LINGO3: variants seen among roughly 807,000 people sequenced by gnomAD.
LINGO3 encodes leucine rich repeat and Ig domain containing 3, also known as leucine-rich repeat and immunoglobulin-like domain-containing nogo receptor-interacting protein 3.
For missense variants in LINGO3, 750 were observed against 867.7 expected (o/e 0.86, Z 1.70); for synonymous variants, 427 against 444.2 (o/e 0.96, Z 0.49).
chr19:2,288,342 C>T (rs904312936), downstream of LINGO3, among the ~76,000 whole-genome samples: 5 of 152,214 alleles, frequency 3.3e-5, no homozygotes, highest in African/African-American at 9.6e-5. The surrounding 1 kb of genome is among the most constrained non-coding windows in gnomAD (Gnocchi z 6.5). Flanking sequence ...CGCACGTAGC[C>T]GGGATCCCCG....
chr19:2,302,358 G>A, the LINGO3 span, among the ~76,000 whole-genome samples: 2 of 152,154 alleles, frequency 1.3e-5, no homozygotes, highest in African/African-American at 2.4e-5. Flanking sequence ...CACAATGCCC[G>A]GCCCCCTGTC....
chr19:2,294,055 A>G (rs868067096), upstream of LINGO3, among the ~76,000 whole-genome samples: 68 of 149,162 alleles, frequency 4.6e-4, no homozygotes, highest in Middle Eastern at 0.014. This position sits in a 1 kb window ranked among gnomAD's most constrained non-coding sequence, Gnocchi z 4.3. Context: ...GTCTCAAGGG[A>G]AAAAAAAAGG....
chr19:2,291,009 G>A, exon 1 of LINGO3: 1 of 1,611,452 alleles, frequency 6.2e-7, no homozygotes, highest in Non-Finnish European at 8.5e-7. Flanking sequence ...CGGTGATGTT[G>A]GTGTGGGTGA....
chr19:2,289,988 T>C (rs2025502028), exon 1 of LINGO3: 11 of 1,510,996 alleles, frequency 7.3e-6, no homozygotes, highest in Non-Finnish European at 9.8e-6. Context: ...GGGTCCGCCC[T>C]GGGGACCCCT....
At chr19:2,300,294 G>A in the LINGO3 span, among the ~76,000 whole-genome samples, 2 of 151,972 alleles carry the variant, frequency 1.3e-5, no homozygotes, top group East Asian at 3.9e-4. Context: ...AGCCTCCCAA[G>A]GTGCTAGGAT....
the LINGO3 span, among the ~76,000 whole-genome samples, chr19:2,302,115 G>A: frequency 2.9e-5 from 4 of 136,204 alleles, no homozygotes; most frequent in Non-Finnish European, 4.6e-5. Flanking sequence ...AGGCTGGAGT[G>A]CAATGGTTCA....
At chr19:2,295,985 G>C (rs12462019), upstream of LINGO3, among the ~76,000 whole-genome samples, 128,362 of 151,990 alleles carry the variant, frequency 0.84, 54,524 homozygotes, top group African/African-American at 0.93. Flanking sequence ...TCGAGGGAGG[G>C]AGGAAGGGAG....
chr19:2,298,210 CTTTTT>C, the LINGO3 span, among the ~76,000 whole-genome samples: 1 of 151,858 alleles, frequency 6.6e-6, no homozygotes, highest in East Asian at 1.9e-4. Flanking sequence ...TTAGAGGTTT[CTTTTT>C]AAGTTGGAAT....
At chr19:2,304,749 G>A in the LINGO3 span, among the ~76,000 whole-genome samples, 2 of 115,708 alleles carry the variant, frequency 1.7e-5, no homozygotes, top group Non-Finnish European at 3.3e-5. Context: ...ACAGAGTCTC[G>A]CTCTGTCACC....
chr19:2,291,838 G>GAGCGGGC lies in LINGO3; in HGVS notation c.-69_-63dup, dbSNP rs1568412274. ...TCCTGCGCACCTGCGGGCGGGCGGG[G>GAGCGGGC]AGCGGGCAGCGTTAGCACCGTTAGC... is the stretch of plus-strand genomic sequence containing the variant. On this transcript the variant is annotated 5_prime_UTR_variant, in exon 1 of 1. Coordinates refer to ENST00000585527, the Ensembl canonical transcript of LINGO3. The GAGCGGGC allele has an allele frequency of 2.1e-6, 3 of 1,397,770 alleles. No homozygotes were observed. Among genetic ancestry groups the GAGCGGGC allele is most frequent in the Non-Finnish European group, 2.9e-6 (3 of 1,042,136 alleles). The allele number at this position is 1,397,770 out of a possible 1,614,324, so 86.6% of individuals were successfully genotyped here.
upstream of LINGO3, among the ~76,000 whole-genome samples, chr19:2,295,064 C>T (rs151082659): frequency 2.6e-3 from 398 of 152,282 alleles, no homozygotes; most frequent in African/African-American, 9.1e-3. Context: ...CCAGTGCCTA[C>T]GCGAATTTAA....
the LINGO3 span, among the ~76,000 whole-genome samples, chr19:2,300,411 C>T: frequency 1.9e-4 from 29 of 151,970 alleles, 1 homozygote; most frequent in African/African-American, 6.5e-4. Flanking sequence ...ACTTTCAGGG[C>T]TCTCTATCTC....
chr19:2,308,029 C>G, the LINGO3 span, among the ~76,000 whole-genome samples: 3 of 151,230 alleles, frequency 2.0e-5, no homozygotes, highest in African/African-American at 4.9e-5. Flanking sequence ...GAGGGGTCCC[C>G]AGGTCTGCGG....
chr19:2,297,429 C>T, the LINGO3 span, among the ~76,000 whole-genome samples: 5 of 151,344 alleles, frequency 3.3e-5, no homozygotes, highest in South Asian at 2.1e-4. Context: ...TTCAGCCTCC[C>T]GAGGAGCTGG....
the LINGO3 span, among the ~76,000 whole-genome samples, chr19:2,297,418 C>G: frequency 6.6e-6 from 1 of 150,616 alleles, no homozygotes; most frequent in Admixed American, 6.6e-5. Context: ...CATTCTCCTG[C>G]TTCAGCCTCC....
chr19:2,290,230 G>T lies in LINGO3; in HGVS notation c.1547C>A (p.Ala516Glu). 2 of 1,605,472 alleles carry T rather than the reference G, an allele frequency of 1.2e-6. No individual in the cohort carries two copies. The highest frequency in any genetic ancestry group is 1.1e-5 in the South Asian group (1 of 90,754). ...GAGGTCGAGCGGCGCGCGCAGGGCCGCCAGCGTCTCGTTGTGGGCCTCGCC... is the reference window on the plus strand; with the variant it reads ...GAGGTCGAGCGGCGCGCGCAGGGCCTCCAGCGTCTCGTTGTGGGCCTCGCC... The change falls in exon 1 of 1, where the codon GCG (alanine) becomes GAG (glutamate). Residue 516 changes from alanine to glutamate, a missense_variant. Ala to Glu is a moderately radical substitution (Grantham distance 107). Coordinates refer to ENST00000585527, the Ensembl canonical transcript of LINGO3. This position sits in a 1 kb window ranked among gnomAD's most constrained non-coding sequence, Gnocchi z 6.0.
upstream of LINGO3, among the ~76,000 whole-genome samples, chr19:2,296,326 G>A (rs1399234062): frequency 6.6e-6 from 1 of 151,888 alleles, no homozygotes; most frequent in Non-Finnish European, 1.5e-5. Flanking sequence ...TGTAATCCCA[G>A]CCCACAGGCC....
chr19:2,291,351 C>T, exon 1 of LINGO3: 1 of 1,613,358 alleles, frequency 6.2e-7, no homozygotes, highest in Non-Finnish European at 8.5e-7. Flanking sequence ...AAGTGTAGTC[C>T]AGCAGGATTA....
exon 1 of LINGO3, chr19:2,289,988 TG>T: frequency 6.6e-7 from 1 of 1,510,992 alleles, no homozygotes; most frequent in Non-Finnish European, 8.9e-7. Flanking sequence ...GGGTCCGCCC[TG>T]GGGACCCCTC....
Sources: allele counts gnomAD v4.1 joint callset (sites outside exome capture counted in the v4.1 genomes callset), GRCh38; gene constraint gnomAD v4.1.1; non-coding constraint Gnocchi (gnomAD v3.1); transcripts MANE v1.5; gene names NCBI Gene and HGNC (gene_info 2026-07-23, HGNC 2026-07-21).